The following PRKCB variants were observed in gnomAD, a reference collection of about 807,000 sequenced individuals.
PRKCB encodes protein kinase C beta type.
In PRKCB, 13 loss-of-function variants were observed where a neutral mutation model predicts 81.5. The ratio of observed to expected loss-of-function variants is 0.16; its 90% confidence interval spans 0.10 to 0.25. The LOEUF (loss-of-function observed/expected upper bound fraction) is 0.25. Ranked by LOEUF, PRKCB falls within the 10% of genes least tolerant of loss-of-function variation. The pLI is 1.00. For synonymous variants in PRKCB, 335 were observed against 321.4 expected (o/e 1.04, Z -0.45); for missense variants, 509 against 875.7 (o/e 0.58, Z 5.29).
At chr16:24,021,044 T>TTCTTTCTTTCTTTATTTCTTTCTTTC (rs1965367379) in intron 3 of PRKCB, among the ~76,000 whole-genome samples, 1 of 77,932 alleles carries the variant, frequency 1.3e-5, no homozygotes, top group African/African-American at 6.2e-5. Flanking sequence ...TTCTTTCTCT[T>TTCTTTCTTTCTTTATTTCTTTCTTTC]TCTTTCTTTC....
chr16:24,163,110 C>T (rs1212142444), intron 10 of PRKCB, among the ~76,000 whole-genome samples: 1 of 152,162 alleles, frequency 6.6e-6, no homozygotes, highest in Non-Finnish European at 1.5e-5. Flanking sequence ...GTTGGTTCAG[C>T]TTGGGTCAGG....
At chr16:24,185,284 A>T in intron 14 of PRKCB, 93 bp downstream of exon 14, 2 of 1,338,446 alleles carry the variant, frequency 1.5e-6, no homozygotes, top group South Asian at 2.5e-5. Flanking sequence ...AACAGCTCAT[A>T]AATTGGAACC....
intron 2 of PRKCB, among the ~76,000 whole-genome samples, chr16:23,850,494 C>A (rs901924044): frequency 3.9e-5 from 6 of 152,058 alleles, no homozygotes; most frequent in African/African-American, 1.4e-4. Context: ...GCCTCCCAAG[C>A]AGCTGGGATT....
rs758468877 is a variant in PRKCB, at chr16:24,172,354, C to T, written c.1324C>T (p.His442Tyr). 6.2e-7 allele frequency: 1 copy of T among 1,613,602 alleles called. No individual in the cohort carries two copies. The highest frequency in any genetic ancestry group is 1.1e-5 in the South Asian group (1 of 90,956). The change falls in exon 11 of 17, where the codon CAT becomes TAT. Residue 442 changes from histidine (H) to tyrosine (Y), a missense_variant. Physicochemically the swap from His to Tyr is moderately conservative, Grantham distance 83. Around this residue, in one of 6 missense-constraint regions of PRKCB, gnomAD observed 106 missense variants for 214.0 expected, o/e 0.50. Coordinates refer to ENST00000643927, the MANE Select transcript of PRKCB (RefSeq NM_002738.7). ...IQQVGRFKEP[H>Y]AVFYAAEIAI... Reference sequence around the variant, plus strand: ...GCAAGTCGGCCGGTTCAAGGAGCCCCATGCTGTGTAAGTGAGAACTAGTGC... The same window carrying T: ...GCAAGTCGGCCGGTTCAAGGAGCCCTATGCTGTGTAAGTGAGAACTAGTGC...
At chr16:24,208,517 G>A (rs528813229) in intron 16 of PRKCB, 15 of 152,340 alleles carry the variant, frequency 9.8e-5, no homozygotes, top group African/African-American at 3.1e-4. Flanking sequence ...CCTGAAAGAG[G>A]TGCTTGTGGT....
At chr16:24,169,085 C>T (rs939279871) in intron 10 of PRKCB, among the ~76,000 whole-genome samples, 1 of 151,898 alleles carries the variant, frequency 6.6e-6, no homozygotes, top group Non-Finnish European at 1.5e-5. Context: ...ATATGTTATC[C>T]TCATTTTATA....
intron 2 of PRKCB, chr16:23,963,417 C>T (rs1964450346): frequency 6.6e-6 from 1 of 152,200 alleles, no homozygotes; most frequent in Admixed American, 6.5e-5. Context: ...AGAACATAAT[C>T]AACTCTCAAC....
At chr16:24,054,934 C>T (rs1434274321) in intron 5 of PRKCB, among the ~76,000 whole-genome samples, 2 of 152,212 alleles carry the variant, frequency 1.3e-5, no homozygotes, top group African/African-American at 4.8e-5. Context: ...GTCTTGTTTT[C>T]CTGGAGGGCA....
intron 2 of PRKCB, among the ~76,000 whole-genome samples, chr16:23,844,840 C>T (rs952322161): frequency 7.9e-5 from 12 of 151,822 alleles, no homozygotes; most frequent in Admixed American, 2.6e-4. Context: ...CTCACTCTTT[C>T]GCCCAGGCTG....
At chr16:24,142,615 T>C (rs1032085429) in intron 9 of PRKCB, among the ~76,000 whole-genome samples, 2 of 152,316 alleles carry the variant, frequency 1.3e-5, no homozygotes, top group Admixed American at 1.3e-4. Context: ...CATCGGCTTC[T>C]AAAACCTCCA....
At chr16:23,852,754 G>A (rs1439425618) in intron 2 of PRKCB, among the ~76,000 whole-genome samples, 2 of 152,154 alleles carry the variant, frequency 1.3e-5, no homozygotes, top group South Asian at 2.1e-4. Flanking sequence ...GTATCCTTCA[G>A]GAGTAATCAC....
chr16:24,007,582 G>A (rs751293389), intron 3 of PRKCB, among the ~76,000 whole-genome samples: 4 of 152,164 alleles, frequency 2.6e-5, no homozygotes, highest in Non-Finnish European at 4.4e-5. Flanking sequence ...TCACTGTCAC[G>A]AAGACACAGA....
chr16:24,027,918 C>T (rs1343356817), intron 3 of PRKCB, among the ~76,000 whole-genome samples: 1 of 151,782 alleles, frequency 6.6e-6, no homozygotes, highest in Non-Finnish European at 1.5e-5. Flanking sequence ...TACAGGCATG[C>T]ACCACTATGT....
At chr16:23,935,308 T>C (rs1281617356) in intron 2 of PRKCB, among the ~76,000 whole-genome samples, 1 of 152,202 alleles carries the variant, frequency 6.6e-6, no homozygotes, top group African/African-American at 2.4e-5. Flanking sequence ...AGAGCCACTG[T>C]GGGGAAATAA....
intron 3 of PRKCB, among the ~76,000 whole-genome samples, chr16:24,021,017 T>TTTCTTTCG (rs1965361908): frequency 1.5e-5 from 2 of 133,520 alleles, no homozygotes; most frequent in Non-Finnish European, 3.3e-5. Flanking sequence ...TCTTTCTTTC[T>TTTCTTTCG]TTCTTTCTTT....
intron 2 of PRKCB, among the ~76,000 whole-genome samples, chr16:23,859,123 C>A (rs1045837205): frequency 6.6e-6 from 1 of 152,110 alleles, no homozygotes; most frequent in Non-Finnish European, 1.5e-5. Context: ...CAGAGTGAGA[C>A]CCTCTCTCTA....
chr16:24,181,050 A>C, intron 13 of PRKCB, 122 bp downstream of exon 13: 1 of 1,247,814 alleles, frequency 8.0e-7, no homozygotes, highest in Non-Finnish European at 1.1e-6. Context: ...ACAGATTCTT[A>C]TTCTATACTC....
chr16:23,877,556 T>G (rs544189901), intron 2 of PRKCB, among the ~76,000 whole-genome samples: 2 of 152,270 alleles, frequency 1.3e-5, no homozygotes, highest in East Asian at 3.9e-4. Context: ...CTGAAGCCAC[T>G]TATTCACTCT....
intron 7 of PRKCB, among the ~76,000 whole-genome samples, chr16:24,106,773 A>G (rs1159742249): frequency 1.3e-5 from 2 of 152,200 alleles, no homozygotes; most frequent in Non-Finnish European, 2.9e-5. Context: ...TGTATTAGAA[A>G]TTATGTTGAA....
Sources: gnomAD v4.1 joint callset for allele counts (sites outside exome capture counted in the v4.1 genomes callset) on GRCh38, gnomAD v4.1.1 for gene constraint, gnomAD v4.1.1 regional missense constraint, MANE v1.5 for transcripts, NCBI Gene and HGNC (gene_info 2026-07-23, HGNC 2026-07-21) for gene names.